CCDC152: variants seen among roughly 807,000 people sequenced by gnomAD.
CCDC152 encodes the protein coiled-coil domain-containing protein 152.
In CCDC152, 37 loss-of-function variants were observed where a neutral mutation model predicts 38.1. That is an observed-to-expected ratio of 0.97 (90% CI 0.75 to 1.28). The LOEUF is 1.28. Among genes scored for constraint, CCDC152 ranks in the 50% most tolerant of loss-of-function variants. CCDC152 has a pLI of 0.00. For synonymous variants in CCDC152, 83 were observed against 87.1 expected (o/e 0.95, Z 0.26); for missense variants, 259 against 292.1 (o/e 0.89, Z 0.83).
chr5:42,765,874 C>T (rs1287527717), intron 3 of CCDC152, among the ~76,000 whole-genome samples: 1 of 152,076 alleles, frequency 6.6e-6, no homozygotes, highest in Admixed American at 6.5e-5. Flanking sequence ...TGAGCAATAA[C>T]CCACAAGCAC....
intron 3 of CCDC152, 46 bp from the exon 4 acceptor site, chr5:42,769,551 A>G: frequency 7.0e-7 from 1 of 1,423,174 alleles, no homozygotes; most frequent in Non-Finnish European, 9.3e-7. Context: ...ATAATTCCAA[A>G]ATGAAAGCAA....
chr5:42,758,819 T>C (rs1481952904), intron 1 of CCDC152, among the ~76,000 whole-genome samples: 1 of 152,234 alleles, frequency 6.6e-6, no homozygotes, highest in Non-Finnish European at 1.5e-5. Flanking sequence ...TTAACATCTT[T>C]AATTAAGAAT....
In CCDC152 at chr5:42,796,937, T is replaced by C; in HGVS notation, c.539T>C (p.Ile180Thr). 3.3e-6 allele frequency: 5 copies of C among 1,522,380 alleles called. No individual in the cohort carries two copies. Among genetic ancestry groups the C allele is most frequent in the Non-Finnish European group, 4.4e-6 (5 of 1,138,054 alleles). The allele number at this position is 1,522,380 out of a possible 1,614,324, so 94.3% of individuals were successfully genotyped here. The part of the protein sequence containing the change: ...RSQEKEKQNE[I>T]IKLQLEFDAK... ...CAAGAAAAAGAAAAACAAAATGAAA[T>C]AATCAAGCTACAACTAGAAGTAAGT... The change falls in exon 7 of 9, where the codon ATA becomes ACA. Residue 180 changes from isoleucine to threonine, a missense_variant. Ile to Thr is a moderately conservative substitution (Grantham distance 89). Coordinates refer to ENST00000361970, the MANE Select transcript of CCDC152 (RefSeq NM_001134848.2).
intron 4 of CCDC152, among the ~76,000 whole-genome samples, 175 bp from the exon 5 acceptor site, chr5:42,779,283 C>T (rs1017520113): frequency 2.6e-5 from 4 of 152,128 alleles, no homozygotes; most frequent in Non-Finnish European, 5.9e-5. Flanking sequence ...CTTTGAAGAG[C>T]AGTAACTCTT....
chr5:42,798,953 G>A (rs1242933656), intron 7 of CCDC152, among the ~76,000 whole-genome samples: 1 of 152,022 alleles, frequency 6.6e-6, no homozygotes, highest in Non-Finnish European at 1.5e-5. Context: ...TTCCTTGACT[G>A]TTTATTACAT....
At chr5:42,765,496 T>C (rs751834876) in intron 3 of CCDC152, among the ~76,000 whole-genome samples, 4 of 152,050 alleles carry the variant, frequency 2.6e-5, no homozygotes, top group Non-Finnish European at 4.4e-5. Flanking sequence ...AGGAATCATA[T>C]TACCTGACTT....
intron 4 of CCDC152, among the ~76,000 whole-genome samples, chr5:42,774,501 G>T (rs890936079): frequency 9.2e-5 from 14 of 152,168 alleles, no homozygotes; most frequent in Non-Finnish European, 1.6e-4. Flanking sequence ...AGGATAAGCT[G>T]CCTTAGGGGA....
chr5:42,791,847 CTG>C (rs1760007647), intron 6 of CCDC152, among the ~76,000 whole-genome samples: 1 of 152,210 alleles, frequency 6.6e-6, no homozygotes, highest in South Asian at 2.1e-4. Context: ...GCCTCAAAAT[CTG>C]TTCTCAGGGA....
In CCDC152 at chr5:42,796,027, G is replaced by A. The variant is rs537606205; in HGVS notation, c.431-802G>A. On this transcript the variant is annotated intron_variant, in intron 6 of 8. Coordinates refer to ENST00000361970, the MANE Select transcript of CCDC152 (RefSeq NM_001134848.2). ...ACACCACATGTTCTCACTCATAGGT[G>A]GGAATTGAACAATGAGAACACATGG... Among the ~76,000 whole-genome samples the A allele has an allele frequency of 1.5e-4, 23 of 151,376 alleles. No individual in the cohort carries two copies. The South Asian group carries it at 4.4e-3, about 29-fold the overall frequency.
chr5:42,794,872 AC>A (rs1369183490), intron 6 of CCDC152, among the ~76,000 whole-genome samples: 7 of 152,164 alleles, frequency 4.6e-5, no homozygotes, highest in African/African-American at 1.7e-4. Flanking sequence ...CATGCCATAA[AC>A]TCTAAGATAA....
At chr5:42,777,730 C>G (rs928643255) in intron 4 of CCDC152, among the ~76,000 whole-genome samples, 6 of 152,134 alleles carry the variant, frequency 3.9e-5, no homozygotes, top group African/African-American at 1.4e-4. Context: ...TGATATAATG[C>G]CTCTGCAAGT....
chr5:42,776,718 G>A (rs1759772055), intron 4 of CCDC152, among the ~76,000 whole-genome samples: 1 of 152,168 alleles, frequency 6.6e-6, no homozygotes. Context: ...AATGTCTGCT[G>A]TCAGGCCACA....
chr5:42,795,839 C>A lies in CCDC152; in HGVS notation c.431-990C>A, dbSNP rs565569868. ...ACAATAGCAAAGACTTGGAACCAAC[C>A]CAAATGTCCAACAATGATAGACTGG... is the stretch of plus-strand genomic sequence containing the variant. On this transcript the variant is annotated intron_variant, in intron 6 of 8. Coordinates refer to ENST00000361970, the MANE Select transcript of CCDC152 (RefSeq NM_001134848.2). Among the ~76,000 whole-genome samples, 453 of 151,732 alleles carry A rather than the reference C, an allele frequency of 3.0e-3. 3 individuals carry two copies. Among genetic ancestry groups the A allele is most frequent in the Non-Finnish European group, 5.5e-3 (377 of 67,944 alleles).
In CCDC152 at chr5:42,800,027, ATACT is replaced by A. The variant is rs10569610; in HGVS notation, c.*251_*254del. 0.031 allele frequency: 13,025 copies of A among 417,728 alleles called. 680 individuals are homozygous for A. Among genetic ancestry groups the A allele is most frequent in the South Asian group, 0.15 (4,121 of 27,736 alleles). 25.9% of individuals were successfully genotyped at this position (417,728 alleles called of 1,614,324 possible). A position where few individuals can be genotyped will look rare whatever the true frequency, so the allele number is the denominator to read the frequency against. ...TATTAAACCATCATTGACTATGGAAATACTTACTAAGCAATATAGAGACAGACAA... is the reference window on the plus strand; with the variant it reads ...TATTAAACCATCATTGACTATGGAAATACTAAGCAATATAGAGACAGACAA... On this transcript the variant is annotated 3_prime_UTR_variant, in exon 9 of 9. Coordinates refer to ENST00000361970, the MANE Select transcript of CCDC152 (RefSeq NM_001134848.2).
intron 7 of CCDC152, 65 bp downstream of exon 7, chr5:42,797,021 T>C (rs1445138597): frequency 1.6e-6 from 2 of 1,221,192 alleles, no homozygotes; most frequent in Middle Eastern, 1.9e-4. Flanking sequence ...ACTTTGATTG[T>C]TTTTCATCAC....
At chr5:42,788,396 C>T (rs555655418) in intron 6 of CCDC152, among the ~76,000 whole-genome samples, 1 of 151,750 alleles carries the variant, frequency 6.6e-6, no homozygotes, top group Non-Finnish European at 1.5e-5. Context: ...TAAATGAAAT[C>T]CAATCAGGCT....
rs151084403 is a variant in CCDC152 at position 42,789,028 on chromosome 5, G to A, written c.430+5452G>A. 2.8e-3 allele frequency among the ~76,000 whole-genome samples: 423 copies of A among 152,338 alleles called. 2 individuals carry two copies. Among genetic ancestry groups the A allele is most frequent in the African/African-American group, 9.8e-3 (406 of 41,570 alleles). On this transcript the variant is annotated intron_variant, in intron 6 of 8. Coordinates refer to ENST00000361970, the MANE Select transcript of CCDC152 (RefSeq NM_001134848.2). Reference sequence around the variant, plus strand: ...ATCTCAGTTCAGGCCTGAGGCATACGCAGGCATGCCTGCATGAGCTAGCCA... The same window carrying A: ...ATCTCAGTTCAGGCCTGAGGCATACACAGGCATGCCTGCATGAGCTAGCCA...
At chr5:42,759,334 T>G in intron 2 of CCDC152, 126 bp downstream of exon 2, 1 of 559,904 alleles carries the variant, frequency 1.8e-6, no homozygotes. Context: ...TATATTTTGC[T>G]ATGCTCTTCT....
At chr5:42,765,658 T>C (rs1759614867) in intron 3 of CCDC152, among the ~76,000 whole-genome samples, 1 of 152,102 alleles carries the variant, frequency 6.6e-6, no homozygotes, top group South Asian at 2.1e-4. Flanking sequence ...GAACATACAC[T>C]GGGGAAAAGA....
Sources: gnomAD v4.1 joint callset for allele counts (sites outside exome capture counted in the v4.1 genomes callset) on GRCh38, gnomAD v4.1.1 for gene constraint, MANE v1.5 for transcripts, NCBI Gene and HGNC (gene_info 2026-07-23, HGNC 2026-07-21) for gene names.